The following ZNF354B variants were observed in gnomAD, a reference collection of about 807,000 sequenced individuals.
The protein encoded by ZNF354B is zinc finger protein 354B.
In ZNF354B, 10 loss-of-function variants were observed where a neutral mutation model predicts 12.9. The ratio of observed to expected loss-of-function variants is 0.77; its 90% CI spans 0.48 to 1.31. ZNF354B has a LOEUF of 1.31. Among genes scored for constraint, ZNF354B ranks in the 40% most tolerant of loss-of-function variants. ZNF354B has a pLI of 0.00. For synonymous variants in ZNF354B, 260 were observed against 243.7 expected (o/e 1.07, Z -0.62); for missense variants, 614 against 711.7 (o/e 0.86, Z 1.56).
intron 2 of ZNF354B, among the ~76,000 whole-genome samples, chr5:178,862,141 T>A (rs911225147): frequency 6.6e-6 from 1 of 152,132 alleles, no homozygotes; most frequent in Non-Finnish European, 1.5e-5. Context: ...GGCTGAGGGC[T>A]TTACATTTGT....
chr5:178,863,158 A>G (rs1421685128), intron 2 of ZNF354B, among the ~76,000 whole-genome samples: 1 of 152,168 alleles, frequency 6.6e-6, no homozygotes, highest in Non-Finnish European at 1.5e-5. Context: ...CCCAATATGC[A>G]GATAATTTGA....
At chr5:178,871,719 T>TA (rs1275834290) in intron 4 of ZNF354B, among the ~76,000 whole-genome samples, 1 of 152,132 alleles carries the variant, frequency 6.6e-6, no homozygotes. Context: ...GTCCAGGAGA[T>TA]ACAGCCAGCA....
rs752928959 is a variant in ZNF354B at position 178,884,301 on chromosome 5, A to G, written c.*10A>G. 5 of 1,557,162 alleles carry G rather than the reference A, an allele frequency of 3.2e-6. No individual in the cohort carries two copies. Among genetic ancestry groups the G allele is most frequent in the Non-Finnish European group, 3.5e-6 (4 of 1,155,984 alleles). On this transcript the variant is annotated 3_prime_UTR_variant, in exon 5 of 5. Transcript: ENST00000322434. ...CGATTTGCATGTGTGAAAGCCTTAA[A>G]CCAAAACTCATCAGAGAATACATGC...
intron 4 of ZNF354B, among the ~76,000 whole-genome samples, chr5:178,868,229 T>C (rs978565113): frequency 1.3e-5 from 2 of 149,998 alleles, no homozygotes; most frequent in Non-Finnish European, 3.0e-5. Flanking sequence ...CATTAGAAGC[T>C]TGGAGCTGGC....
intron 4 of ZNF354B, among the ~76,000 whole-genome samples, chr5:178,874,041 C>T (rs1008775583): frequency 6.6e-6 from 1 of 151,526 alleles, no homozygotes; most frequent in African/African-American, 2.4e-5. Context: ...ACTGCAACCT[C>T]CACTTCCTGG....
At chr5:178,879,789 C>T (rs560328656) in intron 4 of ZNF354B, among the ~76,000 whole-genome samples, 55 of 152,306 alleles carry the variant, frequency 3.6e-4, no homozygotes, top group Non-Finnish European at 7.4e-4. Context: ...TGGAAGAAAA[C>T]TTCATTTTTA....
chr5:178,867,258 G>A (rs1263983935), intron 4 of ZNF354B, among the ~76,000 whole-genome samples, 187 bp downstream of exon 4: 1 of 151,798 alleles, frequency 6.6e-6, no homozygotes, highest in Non-Finnish European at 1.5e-5. Context: ...GAATCTCTCA[G>A]CATCTCTTTT....
chr5:178,866,589 C>T (rs1398882116), intron 3 of ZNF354B, among the ~76,000 whole-genome samples: 1 of 152,146 alleles, frequency 6.6e-6, no homozygotes, highest in Non-Finnish European at 1.5e-5. Flanking sequence ...TATCCCCTTC[C>T]TGCTGCACAA....
intron 4 of ZNF354B, among the ~76,000 whole-genome samples, chr5:178,871,355 C>T (rs1329047478): frequency 6.6e-6 from 1 of 152,226 alleles, no homozygotes; most frequent in Non-Finnish European, 1.5e-5. Context: ...TTCTTCGTGG[C>T]AGTCATGCGT....
chr5:178,865,128 T>C (rs1757427412), intron 2 of ZNF354B, among the ~76,000 whole-genome samples: 1 of 152,204 alleles, frequency 6.6e-6, no homozygotes, highest in Non-Finnish European at 1.5e-5. Flanking sequence ...TTAAGTGCAT[T>C]GTGCAGATGA....
chr5:178,865,144 T>C (rs531710216), intron 2 of ZNF354B, among the ~76,000 whole-genome samples: 1 of 152,326 alleles, frequency 6.6e-6, no homozygotes, highest in African/African-American at 2.4e-5. Flanking sequence ...GATGAACTTA[T>C]TTCTTTATTA....
intron 4 of ZNF354B, among the ~76,000 whole-genome samples, chr5:178,877,679 T>C (rs1390568088): frequency 6.6e-6 from 1 of 152,226 alleles, no homozygotes; most frequent in East Asian, 1.9e-4. Flanking sequence ...GAACAAGGTC[T>C]TTATTGCCAC....
chr5:178,878,042 G>GCTA (rs1178740799), intron 4 of ZNF354B, among the ~76,000 whole-genome samples: 4 of 152,152 alleles, frequency 2.6e-5, no homozygotes, highest in Admixed American at 2.6e-4. Flanking sequence ...ATGGGGAGGT[G>GCTA]CTACTGATGT....
chr5:178,876,681 G>C (rs1486760598), intron 4 of ZNF354B, among the ~76,000 whole-genome samples: 1 of 152,056 alleles, frequency 6.6e-6, no homozygotes. Context: ...AATTTCCCTA[G>C]TGAAATTTTC....
chr5:178,877,282 G>A (rs1295594591), intron 4 of ZNF354B, among the ~76,000 whole-genome samples: 1 of 152,098 alleles, frequency 6.6e-6, no homozygotes, highest in Non-Finnish European at 1.5e-5. Context: ...CGATTCTTCT[G>A]CCTCAGCCTC....
rs574934309 is a variant in ZNF354B, at chr5:178,883,916, T to C, written c.1464T>C (p.His488=). ...CTCTCATTCAACATCAGAGAATGCA[T>C]ACTGGAGAAAGACCCTATAAGTGTA... ...SSALIQHQRM[H]TGERPYKCNE... The change falls in exon 5 of 5, where the codon CAT becomes CAC. Residue 488 remains histidine (H), a synonymous_variant. Coordinates refer to ENST00000322434, the MANE Select transcript of ZNF354B (RefSeq NM_058230.3). 6 of 1,614,132 alleles carry C rather than the reference T, an allele frequency of 3.7e-6. No individual in the cohort carries two copies. In the East Asian group the frequency reaches 1.3e-4, roughly 36 times the overall value.
Position 178,883,513 on chromosome 5 carries a change from A to G in ZNF354B, c.1061A>G (p.Tyr354Cys), listed in dbSNP as rs747697057. The G allele has an allele frequency of 3.7e-6, 6 of 1,614,168 alleles. No individual in the cohort carries two copies. In the Admixed American group the frequency reaches 8.3e-5, roughly 22 times the overall value. The stretch of plus-strand genomic sequence containing the variant: ...AAAATTCATCTCAGAAAGAAGTCCT[A>G]CTTATGTAATGAATGTGGCAACACC... ...SQKIHLRKKS[Y>C]LCNECGNTFK... Residue 354 changes from tyrosine (Y) to cysteine (C), a missense_variant, in exon 5 of 5, where the codon TAC (tyrosine) becomes TGC (cysteine). Tyr to Cys is a radical substitution (Grantham distance 194). Coordinates refer to ENST00000322434, the MANE Select transcript of ZNF354B (RefSeq NM_058230.3).
chr5:178,876,429 G>C (rs758321405), intron 4 of ZNF354B, among the ~76,000 whole-genome samples: 5 of 152,214 alleles, frequency 3.3e-5, no homozygotes, highest in Admixed American at 6.5e-5. Flanking sequence ...TCTCCCTTCG[G>C]GAGCTCTGAC....
At chr5:178,861,215 G>C (rs1009361827) in intron 2 of ZNF354B, 135 bp downstream of exon 2, 1 of 1,160,372 alleles carries the variant, frequency 8.6e-7, no homozygotes, top group Non-Finnish European at 1.3e-6. Context: ...CCTCATGACT[G>C]GTGGATTCTG....
Sources: allele counts gnomAD v4.1 joint callset (sites outside exome capture counted in the v4.1 genomes callset), GRCh38; gene constraint gnomAD v4.1.1; transcripts MANE v1.5; gene names NCBI Gene and HGNC (gene_info 2026-07-23, HGNC 2026-07-21).